The following CREB5 variants were observed in gnomAD, a reference collection of about 807,000 sequenced individuals.
CREB5 encodes cyclic AMP-responsive element-binding protein 5.
In CREB5, 19 loss-of-function variants were observed where a neutral mutation model predicts 57.1. The ratio of observed to expected loss-of-function variants is 0.33; its 90% confidence interval spans 0.23 to 0.49. The LOEUF (loss-of-function observed/expected upper bound fraction) is 0.49, where lower values mean the gene tolerates loss of function less well. Ranked by LOEUF, CREB5 falls within the 20% of genes least tolerant of loss-of-function variation. The probability of loss-of-function intolerance (pLI) is 0.99; values close to 1 mark genes in which losing one functional copy is unlikely to be tolerated. For missense variants in CREB5, 579 were observed against 671.6 expected (o/e 0.86, Z 1.52); for synonymous variants, 238 against 238.3 (o/e 1.00, Z 0.01).
At chr7:28,646,354 A>T (rs189022108) in intron 5 of CREB5, among the ~76,000 whole-genome samples, 1 of 152,324 alleles carries the variant, frequency 6.6e-6, no homozygotes, top group African/African-American at 2.4e-5. Context: ...TTAGGGGGAA[A>T]AAAAACAAAA....
intron 1 of CREB5, among the ~76,000 whole-genome samples, chr7:28,372,746 C>T (rs978164308): frequency 6.6e-5 from 10 of 152,100 alleles, no homozygotes; most frequent in Non-Finnish European, 2.9e-5. Flanking sequence ...TTCTTTTCAG[C>T]TTTTTCTTTG....
intron 5 of CREB5, among the ~76,000 whole-genome samples, chr7:28,633,440 C>T (rs1798283230): frequency 6.6e-6 from 1 of 152,044 alleles, no homozygotes; most frequent in Non-Finnish European, 1.5e-5. Flanking sequence ...ATTCTCTCAG[C>T]TAGAACTCTT....
intron 1 of CREB5, among the ~76,000 whole-genome samples, chr7:28,367,784 G>A (rs1387374841): frequency 1.3e-5 from 2 of 152,020 alleles, no homozygotes; most frequent in Non-Finnish European, 2.9e-5. Flanking sequence ...CTCCAGCCTG[G>A]GTGACAGAGC....
At chr7:28,579,720 G>A (rs1159915174) in intron 5 of CREB5, among the ~76,000 whole-genome samples, 2 of 152,122 alleles carry the variant, frequency 1.3e-5, no homozygotes, top group Non-Finnish European at 2.9e-5. Flanking sequence ...GACCTCCAAT[G>A]TATTATTTTT....
intron 7 of CREB5, among the ~76,000 whole-genome samples, chr7:28,752,118 G>A (rs1027069665): frequency 6.6e-6 from 1 of 152,148 alleles, no homozygotes; most frequent in East Asian, 1.9e-4. Context: ...CCTGTTTAAG[G>A]TGGGATGTTC....
intron 4 of CREB5, among the ~76,000 whole-genome samples, chr7:28,515,979 G>T (rs139371239): frequency 9.2e-5 from 14 of 152,180 alleles, no homozygotes; most frequent in African/African-American, 2.6e-4. Context: ...GCCTCGGGGT[G>T]AGAGGATCAC....
chr7:28,710,915 C>T lies in CREB5; in HGVS notation c.465-7838C>T, dbSNP rs1199519900. Among the ~76,000 whole-genome samples, 7 of 152,002 alleles carry T rather than the reference C, an allele frequency of 4.6e-5. No homozygotes were observed. In the East Asian group the frequency reaches 7.7e-4, roughly 17 times the overall value. On this transcript the variant is annotated intron_variant, in intron 5 of 10. Coordinates refer to ENST00000357727, the MANE Select transcript of CREB5 (RefSeq NM_182898.4). The stretch of plus-strand genomic sequence containing the variant: ...ATGTACAGGGTATACTGAGAGCACT[C>T]GAGAAAGGGCTCCAGTCTGATGTGG...
chr7:28,699,202 A>G (rs573488596), intron 5 of CREB5, among the ~76,000 whole-genome samples: 216 of 151,776 alleles, frequency 1.4e-3, no homozygotes, highest in Non-Finnish European at 2.5e-3. Flanking sequence ...ATTTGAAAGA[A>G]AGGGCGTATT....
upstream of CREB5, among the ~76,000 whole-genome samples, chr7:28,407,979 T>C (rs1787622309): frequency 2.0e-5 from 3 of 152,372 alleles, no homozygotes; most frequent in African/African-American, 7.2e-5. Context: ...TAACGAGGGC[T>C]AAACTGTTTC....
intron 3 of CREB5, among the ~76,000 whole-genome samples, chr7:28,499,308 C>T (rs1408498380): frequency 6.6e-6 from 1 of 152,068 alleles, no homozygotes; most frequent in Non-Finnish European, 1.5e-5. Context: ...GACTTTTTCT[C>T]CATCTCCACT....
chr7:28,447,786 G>A (rs1388507515), intron 1 of CREB5, among the ~76,000 whole-genome samples: 2 of 152,056 alleles, frequency 1.3e-5, no homozygotes. Flanking sequence ...TTCCCAGCCC[G>A]TCTCAGGTAT....
chr7:28,617,017 C>T (rs576108191), intron 5 of CREB5, among the ~76,000 whole-genome samples: 6 of 152,342 alleles, frequency 3.9e-5, no homozygotes, highest in South Asian at 4.1e-4. Context: ...CTTGAAGCCT[C>T]AGCCTGAAAT....
At chr7:28,548,873 C>T (rs1794515971) in intron 4 of CREB5, among the ~76,000 whole-genome samples, 1 of 152,180 alleles carries the variant, frequency 6.6e-6, no homozygotes, top group Non-Finnish European at 1.5e-5. Flanking sequence ...AACTTTTCTT[C>T]TGGCATGCCT....
intron 1 of CREB5, among the ~76,000 whole-genome samples, chr7:28,403,716 C>T (rs760168262): frequency 5.3e-5 from 8 of 152,104 alleles, no homozygotes; most frequent in Non-Finnish European, 1.2e-4. Flanking sequence ...TGTCTGTGGG[C>T]AGCACCTGAC....
chr7:28,729,579 C>T (rs185097952), intron 7 of CREB5, among the ~76,000 whole-genome samples: 71 of 152,308 alleles, frequency 4.7e-4, no homozygotes, highest in African/African-American at 1.6e-3. Flanking sequence ...AGCCTGGCTC[C>T]AGATGGAGTT....
chr7:28,329,166 G>A (rs1785667108), intron 1 of CREB5, among the ~76,000 whole-genome samples: 2 of 152,194 alleles, frequency 1.3e-5, no homozygotes, highest in African/African-American at 4.8e-5. Context: ...ATAGGGATTA[G>A]CATATGGGGA....
intron 1 of CREB5, among the ~76,000 whole-genome samples, chr7:28,390,105 G>A (rs1787187489): frequency 6.6e-6 from 1 of 151,832 alleles, no homozygotes; most frequent in African/African-American, 2.4e-5. Flanking sequence ...GGGCAAAGAG[G>A]ATCTTCTTAA....
At chr7:28,636,765 C>T (rs1311801352) in intron 5 of CREB5, among the ~76,000 whole-genome samples, 1 of 152,160 alleles carries the variant, frequency 6.6e-6, no homozygotes, top group African/African-American at 2.4e-5. Flanking sequence ...CCTTACCATA[C>T]CTGCCTTAGT....
intron 7 of CREB5, among the ~76,000 whole-genome samples, chr7:28,784,607 G>A (rs1309075042): frequency 1.3e-5 from 2 of 152,080 alleles, no homozygotes; most frequent in African/African-American, 2.4e-5. Flanking sequence ...GCCCCAGCAC[G>A]GCAGTGGGAT....
Sources: gnomAD v4.1 joint callset for allele counts (sites outside exome capture counted in the v4.1 genomes callset) on GRCh38, gnomAD v4.1.1 for gene constraint, MANE v1.5 for transcripts, NCBI Gene and HGNC (gene_info 2026-07-23, HGNC 2026-07-21) for gene names.